Variants in ADGRL3 observed in about 807,000 individuals in gnomAD.
ADGRL3 encodes the protein calcium-independent alpha-latrotoxin receptor 3.
A neutral mutation model predicts 153.5 loss-of-function variants in ADGRL3; 62 were observed. That is an observed-to-expected ratio of 0.40 (90% confidence interval 0.33 to 0.50). The LOEUF is 0.50. Ranked by LOEUF, ADGRL3 falls within the 20% of genes least tolerant of loss-of-function variation. The probability of loss-of-function intolerance (pLI) is 0.47; values close to 1 mark genes in which losing one functional copy is unlikely to be tolerated. For missense variants in ADGRL3, 1,641 were observed against 1,859.4 expected (o/e 0.88, Z 2.16); for synonymous variants, 710 against 672.5 (o/e 1.06, Z -0.86).
In ADGRL3 at chr4:61,827,198, C is replaced by T. The variant is rs1029591669; in HGVS notation, c.1480+13309C>T. 3.3e-5 allele frequency among the ~76,000 whole-genome samples: 5 copies of T among 152,308 alleles called. No homozygotes were observed. In the East Asian group the frequency reaches 5.8e-4, roughly 18 times the overall value. On this transcript the variant is annotated intron_variant, in intron 9 of 26. Transcript: ENST00000683033. ...TAAGCATAAGAGCATTAACTGCTAA[C>T]GGATAACCAATGAAAAGACCGCATT...
intron 13 of ADGRL3, among the ~76,000 whole-genome samples, chr4:61,926,789 A>T: frequency 6.6e-6 from 1 of 152,328 alleles, no homozygotes; most frequent in African/African-American, 2.4e-5. Flanking sequence ...TTTAGGAAGA[A>T]TTGTAAATAC....
intron 17 of ADGRL3, among the ~76,000 whole-genome samples, chr4:61,971,179 T>C (rs1247036154): frequency 2.0e-5 from 3 of 151,848 alleles, no homozygotes; most frequent in African/African-American, 7.3e-5. Context: ...TATTATACTT[T>C]AAGTTTTAGG....
intron 1 of ADGRL3, among the ~76,000 whole-genome samples, chr4:61,234,441 A>G (rs1404656259): frequency 6.6e-5 from 10 of 152,174 alleles, no homozygotes; most frequent in African/African-American, 2.4e-4. Flanking sequence ...GAATTCTGGT[A>G]GATACAATTC....
chr4:61,200,706 G>A lies in ADGRL3; in HGVS notation c.-1299G>A, dbSNP rs999319791. ...CTTTGGCAGGAGCTCGCTCGTGTGT[G>A]CGCGTGTGTGAGTGTGCGTGTCTGG... On this transcript the variant is annotated 5_prime_UTR_variant, in exon 1 of 27. Coordinates refer to ENST00000683033, the MANE Select transcript of ADGRL3 (RefSeq NM_001387552.1). Among the ~76,000 whole-genome samples, 3 of 152,066 alleles carry A rather than the reference G, an allele frequency of 2.0e-5. No homozygotes were observed. Among genetic ancestry groups the A allele is most frequent in the Non-Finnish European group, 4.4e-5 (3 of 67,990 alleles).
At chr4:61,507,119 A>G (rs929511279) in intron 3 of ADGRL3, among the ~76,000 whole-genome samples, 2 of 152,184 alleles carry the variant, frequency 1.3e-5, no homozygotes, top group Admixed American at 1.3e-4. Context: ...CAATTTAGCA[A>G]TGATCATTTT....
At chr4:61,356,453 G>C (rs183708966) in intron 1 of ADGRL3, among the ~76,000 whole-genome samples, 7 of 151,450 alleles carry the variant, frequency 4.6e-5, no homozygotes, top group African/African-American at 1.7e-4. Flanking sequence ...TCTCCTCAAA[G>C]AGAAAAAAAA....
At chr4:62,049,806 C>G (rs957991145) in intron 25 of ADGRL3, among the ~76,000 whole-genome samples, 4 of 152,090 alleles carry the variant, frequency 2.6e-5, no homozygotes, top group African/African-American at 9.7e-5. Context: ...GAGTTTTAAT[C>G]CAGAGACCTC....
rs553968027 is a variant in ADGRL3 at position 61,560,385 on chromosome 4, T to C, written c.260-26842T>C. On this transcript the variant is annotated intron_variant, in intron 4 of 26. Coordinates refer to ENST00000683033, the MANE Select transcript of ADGRL3 (RefSeq NM_001387552.1). ...TTTCCTTTCCACTTCAAAGTAGAAA[T>C]TGTAAAAAAGAATGGTAATCTGAGT... is the stretch of plus-strand genomic sequence containing the variant. Among the ~76,000 whole-genome samples, 244 of 152,198 alleles carry C rather than the reference T, an allele frequency of 1.6e-3. 3 individuals are homozygous for C. Among genetic ancestry groups the C allele is most frequent in the Non-Finnish European group, 5.3e-4 (36 of 67,978 alleles).
intron 21 of ADGRL3, among the ~76,000 whole-genome samples, chr4:62,021,735 G>T (rs548547575): frequency 6.6e-6 from 1 of 152,120 alleles, no homozygotes; most frequent in African/African-American, 2.4e-5. Context: ...GTTATCTGTG[G>T]TTACTGATCT....
At chr4:61,344,117 G>A (rs112205690) in intron 1 of ADGRL3, among the ~76,000 whole-genome samples, 2,718 of 152,304 alleles carry the variant, frequency 0.018, 71 homozygotes, top group African/African-American at 0.062. Flanking sequence ...TATCTGCTAT[G>A]TGAGATAGAA....
At chr4:61,261,578 G>A (rs1316327146) in intron 1 of ADGRL3, among the ~76,000 whole-genome samples, 4 of 151,896 alleles carry the variant, frequency 2.6e-5, no homozygotes, top group Non-Finnish European at 5.9e-5. Flanking sequence ...GTGTGGTGGT[G>A]GTAGGATATT....
chr4:61,948,764 C>G (rs1434052449), intron 17 of ADGRL3, among the ~76,000 whole-genome samples: 1 of 152,062 alleles, frequency 6.6e-6, no homozygotes, highest in South Asian at 2.1e-4. Context: ...TGGGTTCTGC[C>G]CATGCAAGAA....
chr4:61,405,006 T>G (rs1168985008), intron 2 of ADGRL3, among the ~76,000 whole-genome samples: 1 of 152,074 alleles, frequency 6.6e-6, no homozygotes, highest in Non-Finnish European at 1.5e-5. Context: ...TATGCTTACA[T>G]GGGACTCCAC....
intron 23 of ADGRL3, among the ~76,000 whole-genome samples, chr4:62,035,214 G>C (rs1724335955): frequency 6.6e-6 from 1 of 151,842 alleles, no homozygotes; most frequent in South Asian, 2.1e-4. Context: ...TGCGAGACTT[G>C]GCATCACCAA....
chr4:62,005,702 C>A (rs2151156234), intron 21 of ADGRL3, among the ~76,000 whole-genome samples: 1 of 151,800 alleles, frequency 6.6e-6, no homozygotes, highest in African/African-American at 2.4e-5. Context: ...ATTCATAAGA[C>A]TATAGTTTTT....
intron 2 of ADGRL3, among the ~76,000 whole-genome samples, chr4:61,406,120 G>T (rs1195072125): frequency 6.6e-6 from 1 of 151,748 alleles, no homozygotes; most frequent in Non-Finnish European, 1.5e-5. Context: ...GCATTATCTT[G>T]TTTAATTTTC....
intron 19 of ADGRL3, among the ~76,000 whole-genome samples, chr4:61,988,311 T>C (rs1456869756): frequency 1.3e-5 from 2 of 152,116 alleles, no homozygotes; most frequent in East Asian, 3.9e-4. Context: ...ATTTAAAAAA[T>C]CCATTTTAAA....
Position 61,497,143 on chromosome 4 carries a change from G to T in ADGRL3, c.-151G>T. On this transcript the variant is annotated 5_prime_UTR_variant, in exon 3 of 27. Transcript: ENST00000683033. ...CAGGTTTCAGATTTGGGATATTGGT[G>T]TTTCTGTTTTGGAGAAATTATTCTT... The T allele has an allele frequency of 1.4e-5, 8 of 556,616 alleles. No individual in the cohort carries two copies. The highest frequency in any genetic ancestry group is 7.1e-5 in the South Asian group (3 of 42,112). 34.5% of individuals were successfully genotyped at this position (556,616 alleles called of 1,614,324 possible).
chr4:61,339,444 T>G (rs957577188), intron 1 of ADGRL3, among the ~76,000 whole-genome samples: 2 of 152,136 alleles, frequency 1.3e-5, no homozygotes, highest in Non-Finnish European at 2.9e-5. Flanking sequence ...TTTTAGAAAC[T>G]GAGGAAAATA....
Sources: allele counts gnomAD v4.1 joint callset (sites outside exome capture counted in the v4.1 genomes callset), GRCh38; gene constraint gnomAD v4.1.1; transcripts MANE v1.5; gene names NCBI Gene and HGNC (gene_info 2026-07-23, HGNC 2026-07-21).